The following DNM1L variants were observed in gnomAD, a reference collection of about 807,000 sequenced individuals.
The protein encoded by DNM1L is dynamin-1-like protein.
In DNM1L, 33 loss-of-function variants were observed where a neutral mutation model predicts 92.8. The observed-to-expected ratio is 0.36, with a 90% CI of 0.27 to 0.48. The LOEUF is 0.48. DNM1L is among the 20% of genes least tolerant of loss of function. The probability of loss-of-function intolerance (pLI) is 0.99; values close to 1 mark genes in which losing one functional copy is unlikely to be tolerated. For missense variants in DNM1L, 485 were observed against 888.8 expected, an observed-to-expected ratio of 0.55 and a Z score of 5.78; for synonymous variants, 284 against 305.0, an observed-to-expected ratio of 0.93 and a Z score of 0.72.
In DNM1L at chr12:32,731,285, G is replaced by A; in HGVS notation, c.1201-71G>A. On this transcript the variant is annotated intron_variant, in intron 10 of 19. Transcript: ENST00000549701. The surrounding 1 kb of genome is among the most constrained non-coding windows in gnomAD (Gnocchi z 5.1). ...ATTTTTCATGAAAAGTACCAAAAAT[G>A]TGACTTTCTTAACCCTTGGGAAGAA... 3 of 1,599,518 alleles carry A rather than the reference G, an allele frequency of 1.9e-6. No homozygotes were observed. Among genetic ancestry groups the A allele is most frequent in the African/African-American group, 2.7e-5 (2 of 74,110 alleles).
intron 6 of DNM1L, among the ~76,000 whole-genome samples, chr12:32,718,285 G>T (rs962413432): frequency 1.3e-5 from 2 of 151,144 alleles, no homozygotes; most frequent in African/African-American, 4.9e-5. Context: ...GGGATTACAG[G>T]CGTCTGCCAC....
Position 32,743,392 on chromosome 12 carries a change from G to A in DNM1L, c.2193G>A (p.Arg731=). ...CCAGTCAAATTATTGCTGAAATCCG[G>A]GAGACTCATCTTTGGTGAAGAGAAC... ...QGASQIIAEI[R]ETHLW is the part of the protein sequence containing the mutation. Residue 731 remains arginine, a synonymous_variant, in exon 20 of 20, where the codon CGG becomes CGA. Coordinates refer to ENST00000549701, the MANE Select transcript of DNM1L (RefSeq NM_012062.5). 1 of 1,613,844 alleles carries A rather than the reference G, an allele frequency of 6.2e-7. No homozygotes were observed. Among genetic ancestry groups the A allele is most frequent in the Non-Finnish European group, 8.5e-7 (1 of 1,179,966 alleles).
chr12:32,724,576 C>CA (rs10535838), intron 9 of DNM1L, among the ~76,000 whole-genome samples: 62 of 95,912 alleles, frequency 6.5e-4, no homozygotes, highest in African/African-American at 1.7e-3. Flanking sequence ...ACTCTATCTC[C>CA]AAAAAAAAAA....
chr12:32,728,636 G>A (rs1954316428), intron 9 of DNM1L: 1 of 152,192 alleles, frequency 6.6e-6, no homozygotes. Context: ...TTTGAATTGG[G>A]CTCTGAATAG....
At chr12:32,683,123 T>C (rs1033246824) in intron 1 of DNM1L, among the ~76,000 whole-genome samples, 8 of 152,244 alleles carry the variant, frequency 5.3e-5, no homozygotes, top group East Asian at 1.9e-4. Context: ...AGACTCTGGC[T>C]TAGTGTTCCT....
chr12:32,684,864 G>A (rs887658101), intron 1 of DNM1L, among the ~76,000 whole-genome samples: 6 of 151,770 alleles, frequency 4.0e-5, no homozygotes, highest in East Asian at 1.9e-4. Context: ...GAATTTTTGG[G>A]TTGTTTCTAT....
chr12:32,717,902 A>G (rs1182628010), intron 6 of DNM1L, among the ~76,000 whole-genome samples: 2 of 96,696 alleles, frequency 2.1e-5, no homozygotes, highest in African/African-American at 9.2e-5. Flanking sequence ...TACTATATAT[A>G]GTATATATAT....
chr12:32,696,711 G>A (rs977230655), intron 1 of DNM1L, among the ~76,000 whole-genome samples: 7 of 150,532 alleles, frequency 4.7e-5, no homozygotes, highest in African/African-American at 1.2e-4. Flanking sequence ...TGCAACCTCC[G>A]CCTCCCGGGT....
intron 2 of DNM1L, among the ~76,000 whole-genome samples, chr12:32,703,989 C>G (rs577487123): frequency 6.6e-6 from 1 of 152,186 alleles, no homozygotes; most frequent in South Asian, 2.1e-4. Context: ...CAATACTAAA[C>G]TATGTTTTAG....
rs762115612 is a variant in DNM1L, at chr12:32,718,696, G to GA, written c.674dup (p.Asp225GlufsTer22). On this transcript the variant is annotated frameshift_variant, in exon 7 of 20. Transcript: ENST00000549701. LOFTEE classifies it high-confidence loss of function. ...ACTTGATCTCATGGATGCGGGTACTGATGCCATGGATGTATTGATGGGAAG... is the reference window on the plus strand; with the variant it reads ...ACTTGATCTCATGGATGCGGGTACTGAATGCCATGGATGTATTGATGGGAAG... 1 of 1,613,852 alleles carries GA rather than the reference G, an allele frequency of 6.2e-7. No homozygotes were observed. The highest frequency in any genetic ancestry group is 8.5e-7 in the Non-Finnish European group (1 of 1,179,922).
chr12:32,733,549 G>A (rs1954696977), intron 12 of DNM1L, 166 bp from the exon 13 acceptor site: 2 of 621,712 alleles, frequency 3.2e-6, no homozygotes. Context: ...GTAAATTATT[G>A]TTTGGCATAA....
intron 4 of DNM1L, 78 bp downstream of exon 4, chr12:32,708,302 G>A (rs1953001684): frequency 2.1e-6 from 2 of 947,834 alleles, no homozygotes; most frequent in Non-Finnish European, 3.3e-6. Flanking sequence ...AATATGTGAA[G>A]GGCATTGTAA....
At chr12:32,734,045 G>A (rs1251865346) in intron 13 of DNM1L, among the ~76,000 whole-genome samples, 2 of 152,198 alleles carry the variant, frequency 1.3e-5, no homozygotes, top group African/African-American at 2.4e-5. Context: ...AAAATTCATT[G>A]ATTTGGTGTG....
intron 9 of DNM1L, among the ~76,000 whole-genome samples, chr12:32,723,568 G>C (rs1354131053): frequency 1.3e-5 from 2 of 151,352 alleles, no homozygotes; most frequent in Non-Finnish European, 2.9e-5. Flanking sequence ...GTGGTGGGCA[G>C]CTGTAATCCC....
chr12:32,727,183 C>T, intron 9 of DNM1L: 1 of 918,916 alleles, frequency 1.1e-6, no homozygotes, highest in East Asian at 2.4e-5. Context: ...TCTGTAGGTT[C>T]ATAAATTGTA....
chr12:32,717,480 T>A lies in DNM1L; in HGVS notation c.620-1163T>A, dbSNP rs1203658292. Among the ~76,000 whole-genome samples the A allele has an allele frequency of 4.7e-5, 5 of 106,528 alleles. No individual in the cohort carries two copies. The Admixed American group carries it at 5.6e-4, about 12-fold the overall frequency. 69.9% of individuals were successfully genotyped at this position (106,528 alleles called of 152,430 possible). On this transcript the variant is annotated intron_variant, in intron 6 of 19. Transcript: ENST00000549701. ...ATATTTTAAATATATAGTATATATA[T>A]TATATATATATAGTATATATATATA...
Position 32,745,193 on chromosome 12 carries a change from A to C in DNM1L, c.*1783A>C, listed in dbSNP as rs1217368725. On this transcript the variant is annotated 3_prime_UTR_variant, in exon 20 of 20. Coordinates refer to ENST00000549701, the MANE Select transcript of DNM1L (RefSeq NM_012062.5). ...GTTACCACACTTAAAAATCACTGCC[A>C]TCATTAAGCATCAGTTTCAAAATTA... 1 of 239,016 alleles carries C rather than the reference A, an allele frequency of 4.2e-6. No homozygotes were observed. The highest frequency in any genetic ancestry group is 2.3e-5 in the African/African-American group (1 of 42,968). The allele number at this position is 239,016 out of a possible 1,614,324, so 14.8% of individuals were successfully genotyped here.
rs1955385587 is a variant in DNM1L, at chr12:32,742,602, G to C, written c.2008G>C (p.Val670Leu). The stretch of plus-strand genomic sequence containing the variant: ...TGTGTTTTGCAGTGTGCCAAAGGCA[G>C]TAATGCATTTTTTGGTTAATCATGT... Reference protein sequence around the residue: ...KNIQDSVPKAVMHFLVNHVKD... With the variant: ...KNIQDSVPKALMHFLVNHVKD... The change falls in exon 19 of 20, where the codon GTA becomes CTA. Residue 670 changes from valine (V) to leucine (L), a missense_variant. Coordinates refer to ENST00000549701, the MANE Select transcript of DNM1L (RefSeq NM_012062.5). The C allele has an allele frequency of 6.2e-7, 1 of 1,614,102 alleles. No individual in the cohort carries two copies. The highest frequency in any genetic ancestry group is 1.3e-5 in the African/African-American group (1 of 75,044).
chr12:32,698,961 A>T (rs1441620526), intron 1 of DNM1L, among the ~76,000 whole-genome samples: 1 of 152,054 alleles, frequency 6.6e-6, no homozygotes, highest in African/African-American at 2.4e-5. Flanking sequence ...TAGAGGCTGC[A>T]GTGAGCTATG....
Sources: allele counts gnomAD v4.1 joint callset (sites outside exome capture counted in the v4.1 genomes callset), GRCh38; gene constraint gnomAD v4.1.1; non-coding constraint Gnocchi (gnomAD v3.1); transcripts MANE v1.5; gene names NCBI Gene and HGNC (gene_info 2026-07-23, HGNC 2026-07-21).